FBXW8: variants seen among roughly 807,000 people sequenced by gnomAD.
The protein encoded by FBXW8 is F-box/WD repeat-containing protein 8.
FBXW8 carries 57 observed loss-of-function variants against 65.3 expected under a neutral mutation model. The observed-to-expected ratio is 0.87, with a 90% confidence interval of 0.71 to 1.09. FBXW8 has a LOEUF of 1.09. Among genes scored for constraint, FBXW8 ranks in the 50% least tolerant of loss-of-function variants. FBXW8 has a pLI of 0.00. For missense variants in FBXW8, 777 were observed against 814.8 expected, an observed-to-expected ratio of 0.95 and a Z score of 0.57; for synonymous variants, 308 against 330.2, an observed-to-expected ratio of 0.93 and a Z score of 0.73.
chr12:117,010,057 G>A (rs552657210), intron 7 of FBXW8, among the ~76,000 whole-genome samples: 1 of 152,248 alleles, frequency 6.6e-6, no homozygotes, highest in African/African-American at 2.4e-5. Flanking sequence ...ATTTCCCTGC[G>A]TTTTCCTTGT....
At chr12:116,933,423 T>C (rs1190091301) in intron 2 of FBXW8, among the ~76,000 whole-genome samples, 1 of 152,236 alleles carries the variant, frequency 6.6e-6, no homozygotes, top group East Asian at 1.9e-4. Context: ...CAGAGAAAGA[T>C]AGAATCTAGT....
chr12:116,923,764 G>C (rs1390832359), intron 1 of FBXW8, among the ~76,000 whole-genome samples: 1 of 140,452 alleles, frequency 7.1e-6, no homozygotes, highest in Non-Finnish European at 1.5e-5. Context: ...TCTGTCGCCC[G>C]GGCTGGAGTG....
chr12:116,933,088 T>A (rs953603419), intron 2 of FBXW8, among the ~76,000 whole-genome samples: 2 of 152,200 alleles, frequency 1.3e-5, no homozygotes, highest in African/African-American at 4.8e-5. Flanking sequence ...TGAGTACCTA[T>A]ATTGTTTTCT....
At position 116,992,425 on chromosome 12, in the gene FBXW8, G is replaced by GTTT. The variant is rs147542337; in HGVS notation, c.1239+3564_1239+3566dup. On this transcript the variant is annotated intron_variant, in intron 7 of 10. Coordinates refer to ENST00000652555, the MANE Select transcript of FBXW8 (RefSeq NM_153348.3). ...TTTTTTTTTTGAAGATCAGAGTTTT[G>GTTT]TTTTTTTTTTAATTCGTTCTATTTC... is the stretch of plus-strand genomic sequence containing the variant. 8.1e-5 allele frequency among the ~76,000 whole-genome samples: 12 copies of GTTT among 147,808 alleles called. No individual in the cohort carries two copies. In the East Asian group the frequency reaches 9.9e-4, roughly 12 times the overall value.
chr12:116,963,736 A>G (rs1172525895), intron 4 of FBXW8, among the ~76,000 whole-genome samples: 3 of 152,232 alleles, frequency 2.0e-5, no homozygotes, highest in African/African-American at 7.2e-5. Context: ...TCGGCAAAGA[A>G]ACCCTGCAGG....
At chr12:116,937,948 G>C (rs953928648) in intron 2 of FBXW8, among the ~76,000 whole-genome samples, 1 of 151,890 alleles carries the variant, frequency 6.6e-6, no homozygotes, top group African/African-American at 2.4e-5. Context: ...AGGCTCACTC[G>C]GTGGGGCTTT....
chr12:116,995,022 A>C (rs1304356289), intron 7 of FBXW8, among the ~76,000 whole-genome samples: 1 of 152,242 alleles, frequency 6.6e-6, no homozygotes, highest in Non-Finnish European at 1.5e-5. Flanking sequence ...TAGGCTTTAC[A>C]GAAAGATCAC....
At chr12:116,919,280 C>A (rs1880693057) in intron 1 of FBXW8, among the ~76,000 whole-genome samples, 1 of 152,184 alleles carries the variant, frequency 6.6e-6, no homozygotes, top group Admixed American at 6.5e-5. Context: ...AAAAGAATGA[C>A]ATTAATGGAG....
chr12:116,933,224 G>A (rs761371880), intron 2 of FBXW8, among the ~76,000 whole-genome samples: 1 of 152,254 alleles, frequency 6.6e-6, no homozygotes, highest in Non-Finnish European at 1.5e-5. Flanking sequence ...GTTAGCCGAA[G>A]TCTTGGAACA....
intron 4 of FBXW8, among the ~76,000 whole-genome samples, chr12:116,952,049 G>A (rs1883317845): frequency 6.6e-6 from 1 of 152,096 alleles, no homozygotes; most frequent in Admixed American, 6.5e-5. Context: ...TTCTTTCCAA[G>A]CTACCTTTTT....
At chr12:116,957,634 T>C (rs866686080) in intron 4 of FBXW8, among the ~76,000 whole-genome samples, 1 of 152,202 alleles carries the variant, frequency 6.6e-6, no homozygotes, top group African/African-American at 2.4e-5. Context: ...ATATACTTAC[T>C]AAGGACATGC....
At chr12:116,976,157 A>AT (rs1385820077) in intron 5 of FBXW8, among the ~76,000 whole-genome samples, 1 of 152,160 alleles carries the variant, frequency 6.6e-6, no homozygotes, top group African/African-American at 2.4e-5. Flanking sequence ...ATAAGACTGG[A>AT]TTTTTCCCAT....
chr12:116,996,942 G>A (rs1201845725), intron 7 of FBXW8, among the ~76,000 whole-genome samples: 1 of 152,162 alleles, frequency 6.6e-6, no homozygotes, highest in African/African-American at 2.4e-5. Context: ...GTGTTGAGAT[G>A]GAAACGAGGT....
At chr12:116,971,620 A>T (rs535353371) in intron 5 of FBXW8, among the ~76,000 whole-genome samples, 1 of 152,310 alleles carries the variant, frequency 6.6e-6, no homozygotes, top group Admixed American at 6.5e-5. Flanking sequence ...TATCTGAATA[A>T]TGGGGCAGTG....
intron 5 of FBXW8, among the ~76,000 whole-genome samples, chr12:116,981,055 T>A (rs570161458): frequency 5.3e-4 from 80 of 152,356 alleles, no homozygotes; most frequent in African/African-American, 1.9e-3. Flanking sequence ...TAACTACCTG[T>A]TGAATGTATT....
At chr12:116,975,485 A>G (rs961835480) in intron 5 of FBXW8, among the ~76,000 whole-genome samples, 3 of 152,140 alleles carry the variant, frequency 2.0e-5, no homozygotes, top group Non-Finnish European at 4.4e-5. Flanking sequence ...ACCATCACTT[A>G]GGGGGTTAGG....
At chr12:116,994,198 C>T (rs778493793) in intron 7 of FBXW8, among the ~76,000 whole-genome samples, 2 of 151,890 alleles carry the variant, frequency 1.3e-5, no homozygotes, top group Non-Finnish European at 1.5e-5. Context: ...AAGTAGATAC[C>T]AGTACTGGTA....
intron 2 of FBXW8, among the ~76,000 whole-genome samples, chr12:116,938,325 G>T (rs940646352): frequency 6.6e-6 from 1 of 152,022 alleles, no homozygotes; most frequent in African/African-American, 2.4e-5. Context: ...TCTCACCTCT[G>T]CCTTTTTTAA....
intron 4 of FBXW8, 27 bp downstream of exon 4, chr12:116,949,733 C>A: frequency 3.1e-6 from 5 of 1,602,628 alleles, no homozygotes; most frequent in Non-Finnish European, 4.3e-6. Flanking sequence ...CCACTGAGTG[C>A]TCTGCATCTG....
Sources: gnomAD v4.1 joint callset for allele counts (sites outside exome capture counted in the v4.1 genomes callset) on GRCh38, gnomAD v4.1.1 for gene constraint, MANE v1.5 for transcripts, NCBI Gene and HGNC (gene_info 2026-07-23, HGNC 2026-07-21) for gene names.